Variants in GDAP2 observed in about 807,000 individuals in gnomAD.
GDAP2 encodes ganglioside-induced differentiation-associated protein 2.
Under a neutral mutation model 67.0 loss-of-function variants are expected in GDAP2, and 51 were observed. The observed-to-expected ratio is 0.76, with a 90% confidence interval of 0.61 to 0.96. The LOEUF is 0.96. Among genes scored for constraint, GDAP2 ranks in the 40% least tolerant of loss-of-function variants. The pLI, the probability that GDAP2 is intolerant of heterozygous loss-of-function variation, is 0.00. For synonymous variants in GDAP2, 203 were observed against 207.3 expected (o/e 0.98, Z 0.18); for missense variants, 547 against 588.3 (o/e 0.93, Z 0.73).
At chr1:117,891,164 G>C (rs1437221654) in intron 8 of GDAP2, among the ~76,000 whole-genome samples, 1 of 148,902 alleles carries the variant, frequency 6.7e-6, no homozygotes, top group East Asian at 2.0e-4. Flanking sequence ...AAAAACTATA[G>C]ATTTTTTTCA....
At chr1:117,877,961 C>G (rs1374712975) in intron 13 of GDAP2, 48 bp downstream of exon 13, 1 of 1,604,370 alleles carries the variant, frequency 6.2e-7, no homozygotes, top group East Asian at 2.2e-5. Flanking sequence ...CTCTATAGAA[C>G]AGTTAATATA....
rs746353859 is a variant in GDAP2 at position 117,920,328 on chromosome 1, A to C, written c.30T>G (p.Phe10Leu). ...AGCTTGGTAGTGTATCCACATCCAC[A>C]AACTGGGAAGGTGCACCTAAGGGAT... is the stretch of plus-strand genomic sequence containing the variant. MDPLGAPSQ[F>L]VDVDTLPSWG... The change falls in exon 2 of 14, where the codon TTT (phenylalanine) becomes TTG (leucine). Residue 10 changes from phenylalanine to leucine, a missense_variant. Coordinates refer to ENST00000369443, the MANE Select transcript of GDAP2 (RefSeq NM_017686.4). 13 of 1,606,588 alleles carry C rather than the reference A, an allele frequency of 8.1e-6. No homozygotes were observed. The highest frequency in any genetic ancestry group is 1.7e-4 in the Middle Eastern group (1 of 6,048).
In GDAP2 at chr1:117,900,635, G is replaced by A. The variant is rs1225425499; in HGVS notation, c.637-1419C>T. Among the ~76,000 whole-genome samples the A allele has an allele frequency of 5.3e-5, 8 of 151,742 alleles. No homozygotes were observed. In the East Asian group the frequency reaches 7.7e-4, roughly 15 times the overall value. ...TAAAAAATTACCCAGGCGTGGTGGC[G>A]CGTGCCTATAGTCCCAGCTACTCGG... On this transcript the variant is annotated intron_variant, in intron 6 of 13. Coordinates refer to ENST00000369443, the MANE Select transcript of GDAP2 (RefSeq NM_017686.4).
chr1:117,891,719 A>G (rs1233858761), intron 8 of GDAP2, among the ~76,000 whole-genome samples: 4 of 152,030 alleles, frequency 2.6e-5, no homozygotes, highest in Admixed American at 2.0e-4. Context: ...TCTACTTTCA[A>G]AAGTTCTTAA....
chr1:117,878,555 CTG>C (rs1238225483), intron 12 of GDAP2, among the ~76,000 whole-genome samples: 8 of 152,306 alleles, frequency 5.3e-5, no homozygotes, highest in South Asian at 2.1e-4. Context: ...AAATCTCACA[CTG>C]TGAATTTTTC....
chr1:117,902,398 T>TATA (rs913757488), intron 6 of GDAP2, among the ~76,000 whole-genome samples: 3 of 152,228 alleles, frequency 2.0e-5, no homozygotes, highest in Admixed American at 6.5e-5. Flanking sequence ...CAAGAGGATT[T>TATA]ATACCCACAC....
chr1:117,919,760 T>A (rs756272787), intron 2 of GDAP2, among the ~76,000 whole-genome samples: 2 of 152,176 alleles, frequency 1.3e-5, no homozygotes, highest in Admixed American at 1.3e-4. Flanking sequence ...ACAACACAGA[T>A]GAACTTAAAT....
chr1:117,912,940 G>A (rs534093956), intron 3 of GDAP2, among the ~76,000 whole-genome samples: 2 of 152,266 alleles, frequency 1.3e-5, no homozygotes, highest in African/African-American at 4.8e-5. Context: ...AATTTTGGAA[G>A]GTAGAATGTC....
In GDAP2 at chr1:117,912,031, A is replaced by C; in HGVS notation, c.522T>G (p.Arg174=). The C allele has an allele frequency of 2.5e-6, 4 of 1,608,724 alleles. No individual in the cohort carries two copies. The highest frequency in any genetic ancestry group is 3.4e-6 in the Non-Finnish European group (4 of 1,175,234). ...GTGTTGCATCCTCTAAAGGATAACC[A>C]CGTTTTGCAGAATTGATGACACAGA... ...VGFCVINSAK[R]GYPLEDATHI... The change falls in exon 5 of 14, where the codon CGT becomes CGG. Residue 174 remains arginine (R), a synonymous_variant. Coordinates refer to ENST00000369443, the MANE Select transcript of GDAP2 (RefSeq NM_017686.4).
In GDAP2 at chr1:117,899,188, T is replaced by G; in HGVS notation, c.665A>C (p.Tyr222Ser). ...CTCCTCTTTTAATGACCTTGGGAAG[T>G]AGAGAGGTAGCAGCTTTTGGTAAGT... ...EGTYQKLLPL[Y>S]FPRSLKEENR... The change falls in exon 7 of 14, where the codon TAC (tyrosine) becomes TCC (serine). Residue 222 changes from tyrosine to serine, a missense_variant. Physicochemically the swap from Tyr to Ser is moderately radical, Grantham distance 144. Transcript: ENST00000369443. 1 of 1,611,676 alleles carries G rather than the reference T, an allele frequency of 6.2e-7. No individual in the cohort carries two copies. Among genetic ancestry groups the G allele is most frequent in the Non-Finnish European group, 8.5e-7 (1 of 1,177,854 alleles).
At chr1:117,881,949 A>G (rs541821184) in intron 11 of GDAP2, 72 bp from the exon 12 acceptor site, 1 of 797,294 alleles carries the variant, frequency 1.3e-6, no homozygotes, top group East Asian at 2.4e-5. Context: ...ATTATAGACT[A>G]TTAACTATTT....
At chr1:117,891,372 T>C (rs1570974216) in intron 8 of GDAP2, among the ~76,000 whole-genome samples, 1 of 151,898 alleles carries the variant, frequency 6.6e-6, no homozygotes, top group South Asian at 2.1e-4. Flanking sequence ...TTCCAAAGCA[T>C]TGCACCAAAT....
intron 12 of GDAP2, among the ~76,000 whole-genome samples, chr1:117,880,611 A>G (rs1648619090): frequency 6.6e-6 from 1 of 152,194 alleles, no homozygotes; most frequent in East Asian, 1.9e-4. Flanking sequence ...GAAAGACACT[A>G]ACTGTTGAAG....
Position 117,881,957 on chromosome 1 carries a change from T to A in GDAP2, c.1248-80A>T, listed in dbSNP as rs557400637. 2.9e-5 allele frequency: 22 copies of A among 758,930 alleles called. No homozygotes were observed. The East Asian group carries it at 5.4e-4, about 19-fold the overall frequency. 47.0% of individuals were successfully genotyped at this position (758,930 alleles called of 1,614,324 possible). A position where few individuals can be genotyped will look rare whatever the true frequency, so the allele number is the denominator to read the frequency against. ...AATTACTATTATAGACTATTAACTA[T>A]TTGCCTGAGTATATAAATATATTCA... is the stretch of plus-strand genomic sequence containing the variant. On this transcript the variant is annotated intron_variant, in intron 11 of 13. Transcript: ENST00000369443.
chr1:117,877,824 T>C (rs1412410985), intron 13 of GDAP2, 185 bp downstream of exon 13: 3 of 1,265,038 alleles, frequency 2.4e-6, no homozygotes, highest in Non-Finnish European at 3.0e-6. Flanking sequence ...AATGCCTCTC[T>C]TGGGACAAAT....
intron 10 of GDAP2, among the ~76,000 whole-genome samples, chr1:117,886,085 T>C (rs1648842528): frequency 6.6e-6 from 1 of 152,186 alleles, no homozygotes; most frequent in African/African-American, 2.4e-5. Context: ...ACTAATCACA[T>C]TGAATATTTT....
Position 117,879,229 on chromosome 1 carries a change from G to A in GDAP2, c.1303-1077C>T, listed in dbSNP as rs570143196. On this transcript the variant is annotated intron_variant, in intron 12 of 13. Transcript: ENST00000369443. ...TGTAAACACACAGAACTGATGCAAT[G>A]TGCTAGGAGATGAGGTACAGAAAGT... Among the ~76,000 whole-genome samples, 11 of 152,280 alleles carry A rather than the reference G, an allele frequency of 7.2e-5. No homozygotes were observed. The South Asian group carries it at 2.1e-3, about 29-fold the overall frequency.
intron 2 of GDAP2, among the ~76,000 whole-genome samples, chr1:117,919,931 A>G (rs142130276): frequency 4.6e-5 from 7 of 152,166 alleles, no homozygotes; most frequent in African/African-American, 1.7e-4. Flanking sequence ...ACAGAAAAAA[A>G]AACTTTTGGA....
chr1:117,918,855 C>A lies in GDAP2; in HGVS notation c.177-119G>T, dbSNP rs1013057224. The A allele has an allele frequency of 1.0e-5, 8 of 777,234 alleles. No individual in the cohort carries two copies. The Admixed American group carries it at 2.4e-4, about 23-fold the overall frequency. The allele number at this position is 777,234 out of a possible 1,614,324, so 48.1% of individuals were successfully genotyped here. ...TCAAAATGTTGGTTTTGCTAGCTCA[C>A]AAGCTAAGCAATAGTAGAAAAGAAA... On this transcript the variant is annotated intron_variant, in intron 2 of 13. Coordinates refer to ENST00000369443, the MANE Select transcript of GDAP2 (RefSeq NM_017686.4).
Sources: gnomAD v4.1 joint callset for allele counts (sites outside exome capture counted in the v4.1 genomes callset) on GRCh38, gnomAD v4.1.1 for gene constraint, MANE v1.5 for transcripts, NCBI Gene and HGNC (gene_info 2026-07-23, HGNC 2026-07-21) for gene names.